PBX2: variants seen among roughly 807,000 people sequenced by gnomAD.
PBX2 encodes the protein PBX homeobox 2.
In PBX2, 10 loss-of-function variants were observed where a neutral mutation model predicts 46.5. The observed-to-expected ratio is 0.21, with a 90% CI of 0.13 to 0.36. The LOEUF (loss-of-function observed/expected upper bound fraction) is 0.36. PBX2 is among the 10% of genes least tolerant of loss of function. The probability of loss-of-function intolerance (pLI) is 1.00; values close to 1 mark genes in which losing one functional copy is unlikely to be tolerated. For synonymous variants in PBX2, 160 were observed against 222.5 expected, an observed-to-expected ratio of 0.72 and a Z score of 2.50; for missense variants, 392 against 580.5, an observed-to-expected ratio of 0.68 and a Z score of 3.34.
At position 32,188,542 on chromosome 6, in the gene PBX2, C is replaced by T; in HGVS notation, c.296-38G>A. On this transcript the variant is annotated intron_variant, in intron 2 of 8. Transcript: ENST00000375050. The surrounding 1 kb of genome is among the most constrained non-coding windows in gnomAD (Gnocchi z 6.5). ...CGAGTGGACTTAGGGACCCAGAGAC[C>T]CCAATACCCAGTGCTCAGTCCTCCT... The T allele has an allele frequency of 6.2e-7, 1 of 1,604,644 alleles. No individual in the cohort carries two copies. The highest frequency in any genetic ancestry group is 8.5e-7 in the Non-Finnish European group (1 of 1,174,226).
chr6:32,187,806 T>C lies in PBX2; in HGVS notation c.735-24A>G. On this transcript the variant is annotated intron_variant, in intron 4 of 8. Coordinates refer to ENST00000375050, the MANE Select transcript of PBX2 (RefSeq NM_002586.5). This position sits in a 1 kb window ranked among gnomAD's most constrained non-coding sequence, Gnocchi z 7.7. ...GTCTACAGAGGAGGGAGAAGAGCAG[T>C]GAGGAGGATGTTGATGTCCTGGCAG... 1 of 1,610,212 alleles carries C rather than the reference T, an allele frequency of 6.2e-7. No homozygotes were observed. The highest frequency in any genetic ancestry group is 2.2e-5 in the East Asian group (1 of 44,856).
In PBX2 at chr6:32,189,927, G is replaced by C; in HGVS notation, c.-12C>G. 5.1e-6 allele frequency: 6 copies of C among 1,170,708 alleles called. No individual in the cohort carries two copies. The highest frequency in any genetic ancestry group is 1.7e-5 in the South Asian group (1 of 58,128). The allele number at this position is 1,170,708 out of a possible 1,614,324, so 72.5% of individuals were successfully genotyped here. On this transcript the variant is annotated 5_prime_UTR_variant, in exon 1 of 9. Transcript: ENST00000375050. This position sits in a 1 kb window ranked among gnomAD's most constrained non-coding sequence, Gnocchi z 4.7. The stretch of plus-strand genomic sequence containing the variant: ...AGCCGTTCGTCCATAGCTGGGGGGG[G>C]GCCCTGAGGCCCCCTCCCTGCTCCG...
At position 32,189,779 on chromosome 6, in the gene PBX2, C is replaced by T; in HGVS notation, c.137G>A (p.Gly46Glu). 1 of 1,604,278 alleles carries T rather than the reference C, an allele frequency of 6.2e-7. No individual in the cohort carries two copies. Among genetic ancestry groups the T allele is most frequent in the East Asian group, 2.3e-5 (1 of 43,768 alleles). ...DPGGGSGGVP[G>E]GRGKQDIGDI... ...CCCGATGTCTTGCTTCCCTCGGCCT[C>T]CCGGGACCCCCCCGCTACCCCCACC... The change falls in exon 1 of 9, where the codon GGA (glycine) becomes GAA (glutamate). Residue 46 changes from glycine to glutamate, a missense_variant. By Grantham distance (98) the Gly-to-Glu change is moderately conservative (BLOSUM62 -2). Transcript: ENST00000375050. This position sits in a 1 kb window ranked among gnomAD's most constrained non-coding sequence, Gnocchi z 4.7.
rs1787184177 is a variant in PBX2 at position 32,187,256 on chromosome 6, G to C, written c.1010C>G (p.Pro337Arg). The part of the protein sequence containing the change: ...GGHSRTSSPT[P>R]PSSAGSGGSF... Reference sequence around the variant, plus strand: ...GTGGGATCCACCTGCAGAGGAAGGGGGTGTCGGGGAGCTGGTGCGGCTGTG... The same window carrying C: ...GTGGGATCCACCTGCAGAGGAAGGGCGTGTCGGGGAGCTGGTGCGGCTGTG... The change falls in exon 6 of 9, where the codon CCC (proline) becomes CGC (arginine). Residue 337 changes from proline (P) to arginine (R), a missense_variant. By Grantham distance (103) the Pro-to-Arg change is moderately radical. Around this residue, in one of 3 missense-constraint regions of PBX2, gnomAD observed 116 missense variants for 157.9 expected, o/e 0.73. Transcript: ENST00000375050. This position sits in a 1 kb window ranked among gnomAD's most constrained non-coding sequence, Gnocchi z 7.7. 6.2e-7 allele frequency: 1 copy of C among 1,612,944 alleles called. No individual in the cohort carries two copies.
rs1242305743 is a variant in PBX2 at position 32,187,250 on chromosome 6, G to T, written c.1016C>A (p.Ser339Tyr). 4 of 1,612,926 alleles carry T rather than the reference G, an allele frequency of 2.5e-6. No individual in the cohort carries two copies. Among genetic ancestry groups the T allele is most frequent in the Non-Finnish European group, 3.4e-6 (4 of 1,180,030 alleles). The change falls in exon 6 of 9, where the codon TCC becomes TAC. Residue 339 changes from serine to tyrosine, a missense_variant. Ser to Tyr is a moderately radical substitution (Grantham distance 144). Coordinates refer to ENST00000375050, the MANE Select transcript of PBX2 (RefSeq NM_002586.5). The surrounding 1 kb of genome is among the most constrained non-coding windows in gnomAD (Gnocchi z 7.7). ...HSRTSSPTPPSSAGSGGSFNL... is the reference protein window; with the variant it reads ...HSRTSSPTPPYSAGSGGSFNL... Reference sequence around the variant, plus strand: ...GTGACAGTGGGATCCACCTGCAGAGGAAGGGGGTGTCGGGGAGCTGGTGCG... The same window carrying T: ...GTGACAGTGGGATCCACCTGCAGAGTAAGGGGGTGTCGGGGAGCTGGTGCG...
In PBX2 at chr6:32,187,872, G is replaced by A. The variant is rs1787213441; in HGVS notation, c.735-90C>T. On this transcript the variant is annotated intron_variant, in intron 4 of 8. Coordinates refer to ENST00000375050, the MANE Select transcript of PBX2 (RefSeq NM_002586.5). This position sits in a 1 kb window ranked among gnomAD's most constrained non-coding sequence, Gnocchi z 7.7. ...TGACCCCAGAGTCACCATTGTCATG[G>A]AGTACCATGTTGTGCAGCATGGCAG... 3.2e-6 allele frequency: 5 copies of A among 1,561,054 alleles called. No homozygotes were observed. The highest frequency in any genetic ancestry group is 4.5e-5 in the East Asian group (2 of 44,118).
rs1469348308 is a variant in PBX2 at position 32,188,446 on chromosome 6, C to T, written c.354G>A (p.Leu118=). Residue 118 remains leucine (L), a synonymous_variant, in exon 3 of 9, where the codon TTG becomes TTA. Transcript: ENST00000375050. The surrounding 1 kb of genome is among the most constrained non-coding windows in gnomAD (Gnocchi z 6.5). ...EEPVDPQLMR[L]DNMLLAEGVA... ...CACCCTCTGCCAGAAGCATGTTGTCCAAGCGCATCAGCTGTGGGTCCACCG... is the reference window on the plus strand; with the variant it reads ...CACCCTCTGCCAGAAGCATGTTGTCTAAGCGCATCAGCTGTGGGTCCACCG... 1 of 1,614,008 alleles carries T rather than the reference C, an allele frequency of 6.2e-7. No homozygotes were observed. The highest frequency in any genetic ancestry group is 1.3e-5 in the African/African-American group (1 of 74,922).
At position 32,188,244 on chromosome 6, in the gene PBX2, C is replaced by T; in HGVS notation, c.543+13G>A. The stretch of plus-strand genomic sequence containing the variant: ...AGCCCTTCCCTCCACCCACCCAAGC[C>T]TCCTCTCCTTACCTGCTCATACTTC... On this transcript the variant is annotated intron_variant, in intron 3 of 8. Coordinates refer to ENST00000375050, the MANE Select transcript of PBX2 (RefSeq NM_002586.5). The surrounding 1 kb of genome is among the most constrained non-coding windows in gnomAD (Gnocchi z 6.5). 6.2e-7 allele frequency: 1 copy of T among 1,611,924 alleles called. No individual in the cohort carries two copies. Among genetic ancestry groups the T allele is most frequent in the East Asian group, 2.2e-5 (1 of 44,820 alleles).
chr6:32,187,890 C>T lies in PBX2; in HGVS notation c.734+76G>A, dbSNP rs776930018. 74 of 1,534,980 alleles carry T rather than the reference C, an allele frequency of 4.8e-5. No individual in the cohort carries two copies. The Middle Eastern group carries it at 1.9e-3, about 39-fold the overall frequency. On this transcript the variant is annotated intron_variant, in intron 4 of 8. Transcript: ENST00000375050. This position sits in a 1 kb window ranked among gnomAD's most constrained non-coding sequence, Gnocchi z 7.7. ...TGTCATGGAGTACCATGTTGTGCAG[C>T]ATGGCAGCTCAGGGTCTTGGAGAGG...
rs1484400609 is a variant in PBX2 at position 32,184,920 on chromosome 6, T to G, written c.*1462A>C. ...TGGGAGGGGTTCCCCACTCTGACAG[T>G]CTTGTAAAATCCTGAGAATGTCTGA... On this transcript the variant is annotated 3_prime_UTR_variant, in exon 9 of 9. Coordinates refer to ENST00000375050, the MANE Select transcript of PBX2 (RefSeq NM_002586.5). 2 of 140,020 alleles carry G rather than the reference T, an allele frequency of 1.4e-5. No individual in the cohort carries two copies. The highest frequency in any genetic ancestry group is 5.3e-5 in the African/African-American group (2 of 37,960). The allele number at this position is 140,020 out of a possible 1,614,324, so 8.7% of individuals were successfully genotyped here. A position where few individuals can be genotyped will look rare whatever the true frequency, so the allele number is the denominator to read the frequency against.
chr6:32,188,649 G>C lies in PBX2; in HGVS notation c.295+74C>G, dbSNP rs1787254196. 2 of 1,578,854 alleles carry C rather than the reference G, an allele frequency of 1.3e-6. No individual in the cohort carries two copies. The highest frequency in any genetic ancestry group is 2.7e-5 in the African/African-American group (2 of 73,946). The stretch of plus-strand genomic sequence containing the variant: ...CTCCTTACTTTCCTCAGGGCCCCAA[G>C]TTGTCACACTCTAGCCCTATAATGA... On this transcript the variant is annotated intron_variant, in intron 2 of 8. Coordinates refer to ENST00000375050, the MANE Select transcript of PBX2 (RefSeq NM_002586.5). The surrounding 1 kb of genome is among the most constrained non-coding windows in gnomAD (Gnocchi z 6.5).
At position 32,188,027 on chromosome 6, in the gene PBX2, G is replaced by C. The variant is rs779585330; in HGVS notation, c.673C>G (p.Gln225Glu). Reference sequence around the variant, plus strand: ...GCCTCGCAGGTGCTCTGCTTCAGCTGCATCTGGATGGCGCTGAACTTTCGA... The same window carrying C: ...GCCTCGCAGGTGCTCTGCTTCAGCTCCATCTGGATGGCGCTGAACTTTCGA... ...IHRKFSAIQM[Q>E]LKQSTCEAVM... is the part of the protein sequence containing the mutation. Residue 225 changes from glutamine to glutamate, a missense_variant, in exon 4 of 9, where the codon CAG becomes GAG. Transcript: ENST00000375050. This position sits in a 1 kb window ranked among gnomAD's most constrained non-coding sequence, Gnocchi z 6.5. The C allele has an allele frequency of 6.3e-6, 10 of 1,588,454 alleles. No individual in the cohort carries two copies. The Admixed American group carries it at 1.6e-4, about 25-fold the overall frequency.
At position 32,188,712 on chromosome 6, in the gene PBX2, G is replaced by T. The variant is rs2022059; in HGVS notation, c.295+11C>A. On this transcript the variant is annotated intron_variant, in intron 2 of 8. Transcript: ENST00000375050. The surrounding 1 kb of genome is among the most constrained non-coding windows in gnomAD (Gnocchi z 6.5). ...TCCCAGAGTTGAGCAATCCGGGGGG[G>T]GCCCACATACCAGTTTTCTCCTTGA... 1.1e-4 allele frequency: 178 copies of T among 1,612,236 alleles called. 1 individual carries two copies. The East Asian group carries it at 3.4e-3, about 31-fold the overall frequency.
chr6:32,188,889 T>C lies in PBX2; in HGVS notation c.222-93A>G. Reference sequence around the variant, plus strand: ...GAACAAGGAGGGAGGAGGGTCAGTCTGCGGAGGGAGGAAGCGGATTGGGGG... The same window carrying C: ...GAACAAGGAGGGAGGAGGGTCAGTCCGCGGAGGGAGGAAGCGGATTGGGGG... On this transcript the variant is annotated intron_variant, in intron 1 of 8. Transcript: ENST00000375050. This position sits in a 1 kb window ranked among gnomAD's most constrained non-coding sequence, Gnocchi z 6.5. The C allele has an allele frequency of 9.1e-7, 1 of 1,101,558 alleles. No homozygotes were observed. Among genetic ancestry groups the C allele is most frequent in the Non-Finnish European group, 1.4e-6 (1 of 721,066 alleles). The allele number at this position is 1,101,558 out of a possible 1,614,324, so 68.2% of individuals were successfully genotyped here.
chr6:32,189,617 G>A lies in PBX2; in HGVS notation c.221+78C>T, dbSNP rs975823870. On this transcript the variant is annotated intron_variant, in intron 1 of 8. Transcript: ENST00000375050. The surrounding 1 kb of genome is among the most constrained non-coding windows in gnomAD (Gnocchi z 4.7). ...ATCCTGGAGAGGGCCCTGGAGTTGGGGGGGGCTCCCAGAAGATTCAGAACA... is the reference window on the plus strand; with the variant it reads ...ATCCTGGAGAGGGCCCTGGAGTTGGAGGGGGCTCCCAGAAGATTCAGAACA... 3 of 1,102,690 alleles carry A rather than the reference G, an allele frequency of 2.7e-6. No homozygotes were observed. In the African/African-American group the frequency reaches 4.7e-5, roughly 17 times the overall value. 68.3% of individuals were successfully genotyped at this position (1,102,690 alleles called of 1,614,324 possible). A position where few individuals can be genotyped will look rare whatever the true frequency, so the allele number is the denominator to read the frequency against.
chr6:32,189,126 A>C lies in PBX2; in HGVS notation c.222-330T>G. 1 of 452,636 alleles carries C rather than the reference A, an allele frequency of 2.2e-6. No individual in the cohort carries two copies. Among genetic ancestry groups the C allele is most frequent in the Non-Finnish European group, 4.0e-6 (1 of 248,332 alleles). The allele number at this position is 452,636 out of a possible 1,614,324, so 28.0% of individuals were successfully genotyped here. ...CTTGGTAGGTTTCAGAGGGAGAGAGACAGAGGCTGGGGTTGAGAAGAGTCA... is the reference window on the plus strand; with the variant it reads ...CTTGGTAGGTTTCAGAGGGAGAGAGCCAGAGGCTGGGGTTGAGAAGAGTCA... On this transcript the variant is annotated intron_variant, in intron 1 of 8. Coordinates refer to ENST00000375050, the MANE Select transcript of PBX2 (RefSeq NM_002586.5). This position sits in a 1 kb window ranked among gnomAD's most constrained non-coding sequence, Gnocchi z 4.7.
rs773508810 is a variant in PBX2, at chr6:32,186,927, G to A, written c.1025-26C>T. The A allele has an allele frequency of 1.3e-6, 2 of 1,590,758 alleles. No homozygotes were observed. The highest frequency in any genetic ancestry group is 1.1e-5 in the South Asian group (1 of 90,548). On this transcript the variant is annotated intron_variant, in intron 6 of 8. Coordinates refer to ENST00000375050, the MANE Select transcript of PBX2 (RefSeq NM_002586.5). The surrounding 1 kb of genome is among the most constrained non-coding windows in gnomAD (Gnocchi z 4.2). Reference sequence around the variant, plus strand: ...CTTGTGGGGGCAGAGAGGGAAGAGTGTAATAGAGCCCGTGATGGTAGAGGA... The same window carrying A: ...CTTGTGGGGGCAGAGAGGGAAGAGTATAATAGAGCCCGTGATGGTAGAGGA...
At position 32,187,123 on chromosome 6, in the gene PBX2, C is replaced by G; in HGVS notation, c.1024+119G>C. ...GTCCCCTGACATCTCCAGCCTATCT[C>G]AGCTCGGTCCCTCTCACCCCAAAAG... is the stretch of plus-strand genomic sequence containing the variant. On this transcript the variant is annotated intron_variant, in intron 6 of 8. Coordinates refer to ENST00000375050, the MANE Select transcript of PBX2 (RefSeq NM_002586.5). This position sits in a 1 kb window ranked among gnomAD's most constrained non-coding sequence, Gnocchi z 7.7. The G allele has an allele frequency of 7.7e-7, 1 of 1,297,914 alleles. No individual in the cohort carries two copies. The highest frequency in any genetic ancestry group is 1.1e-6 in the Non-Finnish European group (1 of 929,534). The allele number at this position is 1,297,914 out of a possible 1,614,324, so 80.4% of individuals were successfully genotyped here. A position where few individuals can be genotyped will look rare whatever the true frequency, so the allele number is the denominator to read the frequency against.
In PBX2 at chr6:32,189,887, G is replaced by A; in HGVS notation, c.29C>T (p.Pro10Leu). MDERLLGPP[P>L]PGGGRGGLGL... ...CAGGCCCCCCCGGCCCCCGCCTGGA[G>A]GGGGCGGCCCCAGTAGCCGTTCGTC... Residue 10 changes from proline to leucine, a missense_variant, in exon 1 of 9, where the codon CCT becomes CTT. Physicochemically the swap from Pro to Leu is moderately conservative, Grantham distance 98. This residue lies in a region of PBX2 where 196 missense variants were observed against 246.9 expected (regional missense o/e 0.79). Coordinates refer to ENST00000375050, the MANE Select transcript of PBX2 (RefSeq NM_002586.5). The surrounding 1 kb of genome is among the most constrained non-coding windows in gnomAD (Gnocchi z 4.7). 4 of 1,441,584 alleles carry A rather than the reference G, an allele frequency of 2.8e-6. No homozygotes were observed. The highest frequency in any genetic ancestry group is 3.7e-6 in the Non-Finnish European group (4 of 1,089,296). The allele number at this position is 1,441,584 out of a possible 1,614,324, so 89.3% of individuals were successfully genotyped here.
Sources: gnomAD v4.1 joint callset for allele counts on GRCh38, gnomAD v4.1.1 for gene constraint, gnomAD v4.1.1 regional missense constraint, Gnocchi (gnomAD v3.1) non-coding constraint, MANE v1.5 for transcripts, NCBI Gene and HGNC (gene_info 2026-07-23, HGNC 2026-07-21) for gene names.